RABGAP1L: variants seen among roughly 807,000 people sequenced by gnomAD.
The protein encoded by RABGAP1L is rab GTPase-activating protein 1-like.
In RABGAP1L, 63 loss-of-function variants were observed where a neutral mutation model predicts 137.7. The observed-to-expected ratio is 0.46, with a 90% CI of 0.37 to 0.56. RABGAP1L has a LOEUF of 0.56. RABGAP1L is among the 20% of genes least tolerant of loss of function. The probability of loss-of-function intolerance (pLI) is 0.00; values close to 1 mark genes in which losing one functional copy is unlikely to be tolerated. For missense variants in RABGAP1L, 1,095 were observed against 1,244.0 expected (o/e 0.88, Z 1.80); for synonymous variants, 431 against 433.7 (o/e 0.99, Z 0.08).
chr1:174,364,295 C>T (rs1684417273), intron 11 of RABGAP1L, among the ~76,000 whole-genome samples: 1 of 119,426 alleles, frequency 8.4e-6, no homozygotes, highest in Admixed American at 9.2e-5. Context: ...CGCTCTGTCG[C>T]CCAGGCTGGA....
intron 13 of RABGAP1L, among the ~76,000 whole-genome samples, chr1:174,457,884 G>A (rs893950387): frequency 6.6e-6 from 1 of 152,102 alleles, no homozygotes; most frequent in African/African-American, 2.4e-5. Context: ...ACTATATGCA[G>A]GTTATTATGA....
At chr1:174,210,227 G>T (rs967207905) in intron 1 of RABGAP1L, among the ~76,000 whole-genome samples, 1 of 152,128 alleles carries the variant, frequency 6.6e-6, no homozygotes, top group Non-Finnish European at 1.5e-5. Flanking sequence ...AGACCATTCA[G>T]GAAAACATGA....
At position 174,451,267 on chromosome 1, in the gene RABGAP1L, A is replaced by G. The variant is rs144129679; in HGVS notation, c.1710+57122A>G. 6.8e-4 allele frequency among the ~76,000 whole-genome samples: 103 copies of G among 152,362 alleles called. 1 individual carries two copies. Among genetic ancestry groups the G allele is most frequent in the African/African-American group, 2.3e-3 (95 of 41,590 alleles). ...TTCAGATATCACATATAAGACTTCT[A>G]AATTATACATATTATTTGGGAATCG... On this transcript the variant is annotated intron_variant, in intron 13 of 25. Coordinates refer to ENST00000681986, the MANE Select transcript of RABGAP1L (RefSeq NM_001366446.1).
At chr1:174,292,329 C>CTTTTTTTTTTTTTTTTTTTT in intron 10 of RABGAP1L, among the ~76,000 whole-genome samples, 1 of 50,620 alleles carries the variant, frequency 2.0e-5, no homozygotes. Flanking sequence ...CCTACCTAAT[C>CTTTTTTTTTTTTTTTTTTTT]TTTTTTTTTT....
At chr1:174,446,270 A>C (rs1267308140) in intron 13 of RABGAP1L, among the ~76,000 whole-genome samples, 1 of 152,220 alleles carries the variant, frequency 6.6e-6, no homozygotes, top group Non-Finnish European at 1.5e-5. Context: ...TCCTGTAACA[A>C]GAGAACTGTT....
intron 19 of RABGAP1L, chr1:174,935,546 TATAAC>T (rs1191186657): frequency 6.6e-6 from 1 of 152,216 alleles, no homozygotes; most frequent in Non-Finnish European, 1.5e-5. Context: ...TTCTGAAAAT[TATAAC>T]ATAGTAGACT....
chr1:174,742,083 G>A (rs1572994983), intron 17 of RABGAP1L, among the ~76,000 whole-genome samples: 1 of 98,202 alleles, frequency 1.0e-5, no homozygotes, highest in Non-Finnish European at 2.0e-5. Context: ...GGGGAGGGGG[G>A]AGGAGGAGGA....
rs762702313 is a variant in RABGAP1L, at chr1:174,250,457, C to A, written c.718-18C>A. 6.3e-6 allele frequency: 10 copies of A among 1,589,036 alleles called. No individual in the cohort carries two copies. Among genetic ancestry groups the A allele is most frequent in the Admixed American group, 3.4e-5 (2 of 58,828 alleles). On this transcript the variant is annotated intron_variant, in intron 5 of 25. Transcript: ENST00000681986. Reference sequence around the variant, plus strand: ...TTAAAACCTTTGCCTAATGGTATTTCCTTTTTTATTCTTTTAGGTAAGCAG... The same window carrying A: ...TTAAAACCTTTGCCTAATGGTATTTACTTTTTTATTCTTTTAGGTAAGCAG...
At chr1:174,233,319 GT>G (rs904087719) in intron 4 of RABGAP1L, among the ~76,000 whole-genome samples, 2 of 150,964 alleles carry the variant, frequency 1.3e-5, no homozygotes, top group Non-Finnish European at 2.9e-5. Context: ...CATTGTGCAG[GT>G]TAGTTACATA....
chr1:174,866,903 C>T lies in RABGAP1L; in HGVS notation c.2340+54943C>T, dbSNP rs576806037. The stretch of plus-strand genomic sequence containing the variant: ...ACTCCACCCTGGACAATAGTGAGAC[C>T]CTGTCTCAAAAAAAAAATTTTTTTT... On this transcript the variant is annotated intron_variant, in intron 19 of 25. Transcript: ENST00000681986. Among the ~76,000 whole-genome samples, 10 of 151,894 alleles carry T rather than the reference C, an allele frequency of 6.6e-5. No homozygotes were observed. The East Asian group carries it at 1.9e-3, about 29-fold the overall frequency.
At chr1:174,256,352 A>G (rs76009829) in intron 7 of RABGAP1L, among the ~76,000 whole-genome samples, 9,231 of 152,210 alleles carry the variant, frequency 0.061, 980 homozygotes, top group African/African-American at 0.21. Context: ...GATGGCTATC[A>G]CAGAGATAGC....
At chr1:174,632,393 G>T (rs1228591374) in intron 13 of RABGAP1L, among the ~76,000 whole-genome samples, 2 of 147,980 alleles carry the variant, frequency 1.4e-5, no homozygotes, top group African/African-American at 2.6e-5. Flanking sequence ...TTCTCGAGGA[G>T]TATCTTTGTG....
chr1:174,860,771 G>C (rs1036029921), intron 19 of RABGAP1L, among the ~76,000 whole-genome samples: 2 of 152,118 alleles, frequency 1.3e-5, no homozygotes, highest in Admixed American at 1.3e-4. Context: ...GGATCTAATA[G>C]TTTCTTTCCT....
intron 13 of RABGAP1L, among the ~76,000 whole-genome samples, chr1:174,431,031 C>T (rs1053687506): frequency 3.3e-5 from 5 of 151,928 alleles, no homozygotes; most frequent in Non-Finnish European, 7.4e-5. Flanking sequence ...AATAAGATAT[C>T]CTAAAAAATA....
At chr1:174,620,525 T>G (rs1672351309) in intron 13 of RABGAP1L, among the ~76,000 whole-genome samples, 1 of 152,214 alleles carries the variant, frequency 6.6e-6, no homozygotes, top group African/African-American at 2.4e-5. Context: ...AACCTGCTCC[T>G]GAATGACTGC....
chr1:174,623,074 G>T (rs890185995), intron 13 of RABGAP1L, among the ~76,000 whole-genome samples: 3 of 152,104 alleles, frequency 2.0e-5, no homozygotes, highest in Non-Finnish European at 2.9e-5. Context: ...GTGAACAAGT[G>T]GTAAAATGGT....
At chr1:174,670,644 A>C (rs996528642) in intron 14 of RABGAP1L, among the ~76,000 whole-genome samples, 1 of 152,146 alleles carries the variant, frequency 6.6e-6, no homozygotes. Context: ...AAGTGAGAAA[A>C]TGTGATGTTT....
chr1:174,265,498 T>C (rs926603663), intron 7 of RABGAP1L, among the ~76,000 whole-genome samples: 2 of 150,270 alleles, frequency 1.3e-5, no homozygotes, highest in African/African-American at 4.9e-5. Flanking sequence ...GAGCTGAGAT[T>C]GTGCCACTGC....
chr1:174,550,293 C>A (rs766252725), intron 13 of RABGAP1L, among the ~76,000 whole-genome samples: 8 of 152,084 alleles, frequency 5.3e-5, no homozygotes, highest in Non-Finnish European at 7.4e-5. Context: ...ATTCTTTGAA[C>A]AAAGTCCCAA....
Sources: allele counts gnomAD v4.1 joint callset (sites outside exome capture counted in the v4.1 genomes callset), GRCh38; gene constraint gnomAD v4.1.1; transcripts MANE v1.5; gene names NCBI Gene and HGNC (gene_info 2026-07-23, HGNC 2026-07-21).